KLF12: variants seen among roughly 807,000 people sequenced by gnomAD.
The protein encoded by KLF12 is Krueppel-like factor 12.
KLF12 carries 9 observed loss-of-function variants against 37.8 expected under a neutral mutation model. The ratio of observed to expected loss-of-function variants is 0.24; its 90% confidence interval spans 0.14 to 0.42. The LOEUF (loss-of-function observed/expected upper bound fraction) is 0.42, where lower values mean the gene tolerates loss of function less well. Among genes scored for constraint, KLF12 ranks in the 10% least tolerant of loss-of-function variants. KLF12 has a pLI of 1.00. For missense variants in KLF12, 411 were observed against 516.0 expected (o/e 0.80, Z 1.97); for synonymous variants, 208 against 202.1 (o/e 1.03, Z -0.25).
At chr13:73,780,568 C>T (rs1225562394) in intron 5 of KLF12, among the ~76,000 whole-genome samples, 2 of 152,150 alleles carry the variant, frequency 1.3e-5, no homozygotes, top group African/African-American at 2.4e-5. Flanking sequence ...CAACCTCCGC[C>T]GCCCAAGTTC....
chr13:74,004,449 A>G (rs1363510045), intron 1 of KLF12, among the ~76,000 whole-genome samples: 2 of 152,216 alleles, frequency 1.3e-5, no homozygotes, highest in Non-Finnish European at 2.9e-5. Context: ...CGGCAAAGGC[A>G]GAATTTTGAA....
At chr13:73,808,176 T>TAA (rs1882746000) in intron 5 of KLF12, among the ~76,000 whole-genome samples, 1 of 152,110 alleles carries the variant, frequency 6.6e-6, no homozygotes. Flanking sequence ...CCCTGTTTTA[T>TAA]CATCAAGGGG....
the KLF12 span, among the ~76,000 whole-genome samples, chr13:74,305,330 A>G: frequency 6.6e-6 from 1 of 152,140 alleles, no homozygotes; most frequent in African/African-American, 2.4e-5. Flanking sequence ...TTAGGAAAAC[A>G]TCTGTACAGC....
At chr13:74,238,999 C>T in the KLF12 span, among the ~76,000 whole-genome samples, 1 of 149,622 alleles carries the variant, frequency 6.7e-6, no homozygotes, top group South Asian at 2.2e-4. Context: ...AATGTGTTTG[C>T]TCTTGCTTTT....
At chr13:74,006,624 C>G (rs922926679) in intron 1 of KLF12, among the ~76,000 whole-genome samples, 1 of 152,232 alleles carries the variant, frequency 6.6e-6, no homozygotes, top group Non-Finnish European at 1.5e-5. Flanking sequence ...GACAGCAGCA[C>G]TTCCAAGAAC....
chr13:74,265,954 T>C, the KLF12 span, among the ~76,000 whole-genome samples: 1 of 152,196 alleles, frequency 6.6e-6, no homozygotes, highest in African/African-American at 2.4e-5. Context: ...CGCAGCTCCA[T>C]TCAACTCTCC....
chr13:74,152,606 T>C, the KLF12 span, among the ~76,000 whole-genome samples: 1 of 152,074 alleles, frequency 6.6e-6, no homozygotes, highest in Non-Finnish European at 1.5e-5. Context: ...AAATCAGCTG[T>C]GTGCTGTGGC....
chr13:74,208,949 T>C, the KLF12 span, among the ~76,000 whole-genome samples: 28 of 152,290 alleles, frequency 1.8e-4, no homozygotes, highest in South Asian at 8.3e-4. Context: ...GGAAGAAAGA[T>C]GAGAAATTTC....
chr13:74,177,088 C>T, the KLF12 span, among the ~76,000 whole-genome samples: 4,060 of 152,140 alleles, frequency 0.027, 86 homozygotes, highest in Middle Eastern at 0.075. Flanking sequence ...GGTCAGCTAC[C>T]GGAAACCTAA....
At chr13:73,812,941 T>C (rs931727176) in intron 5 of KLF12, 3 of 537,678 alleles carry the variant, frequency 5.6e-6, no homozygotes, top group Non-Finnish European at 9.9e-6. Context: ...ATAGGTCTTA[T>C]ATCTCATCAA....
chr13:74,131,567 T>C (rs1003756397), intron 1 of KLF12, among the ~76,000 whole-genome samples: 1 of 152,146 alleles, frequency 6.6e-6, no homozygotes, highest in African/African-American at 2.4e-5. Flanking sequence ...AGGTGGAGAA[T>C]ATTAAGGACT....
At chr13:74,255,465 G>A in the KLF12 span, among the ~76,000 whole-genome samples, 1 of 152,152 alleles carries the variant, frequency 6.6e-6, no homozygotes, top group African/African-American at 2.4e-5. Context: ...CTTTTATGTG[G>A]TATCATTTAA....
intron 5 of KLF12, among the ~76,000 whole-genome samples, chr13:73,797,153 C>T (rs4409972): frequency 0.19 from 28,300 of 152,016 alleles, 3,474 homozygotes; most frequent in East Asian, 0.46. Context: ...GTAAAAAATA[C>T]CTCAAAAAAT....
intron 4 of KLF12, among the ~76,000 whole-genome samples, chr13:73,821,189 G>A (rs1883505205): frequency 6.6e-6 from 1 of 151,982 alleles, no homozygotes; most frequent in African/African-American, 2.4e-5. Flanking sequence ...GTTAGTTGCT[G>A]CCCTAGGTTT....
the KLF12 span, among the ~76,000 whole-genome samples, chr13:74,284,518 C>T: frequency 1.3e-5 from 2 of 152,186 alleles, no homozygotes; most frequent in Non-Finnish European, 2.9e-5. Flanking sequence ...AAGGTGATCC[C>T]TCTGTTACAG....
chr13:74,183,414 T>A, the KLF12 span, among the ~76,000 whole-genome samples: 3 of 152,122 alleles, frequency 2.0e-5, no homozygotes, highest in African/African-American at 7.2e-5. Context: ...AAAATATTTC[T>A]CCTTTCCAAA....
At chr13:74,268,095 T>C in the KLF12 span, among the ~76,000 whole-genome samples, 1 of 152,154 alleles carries the variant, frequency 6.6e-6, no homozygotes, top group Non-Finnish European at 1.5e-5. Context: ...GAATGAATTT[T>C]TGTTGTTTTA....
chr13:73,916,062 T>C (rs1888813196), intron 3 of KLF12, among the ~76,000 whole-genome samples: 1 of 151,914 alleles, frequency 6.6e-6, no homozygotes, highest in Non-Finnish European at 1.5e-5. Context: ...AAACATGGAG[T>C]TTTATGATTT....
intron 4 of KLF12, among the ~76,000 whole-genome samples, chr13:73,831,076 C>A (rs1459298653): frequency 6.6e-6 from 1 of 151,038 alleles, no homozygotes; most frequent in Non-Finnish European, 1.5e-5. Context: ...AAATTTTAAT[C>A]CTTGTCAAAA....
Sources: gnomAD v4.1 joint callset for allele counts (sites outside exome capture counted in the v4.1 genomes callset) on GRCh38, gnomAD v4.1.1 for gene constraint, MANE v1.5 for transcripts, NCBI Gene and HGNC (gene_info 2026-07-23, HGNC 2026-07-21) for gene names.